Variants in SLC4A8 observed in about 807,000 individuals in gnomAD.
The protein encoded by SLC4A8 is electroneutral sodium bicarbonate exchanger 1.
A neutral mutation model predicts 125.0 loss-of-function variants in SLC4A8; 40 were observed. The observed-to-expected ratio is 0.32, with a 90% CI of 0.25 to 0.42. The LOEUF (loss-of-function observed/expected upper bound fraction) is 0.42, where lower values mean the gene tolerates loss of function less well. Among genes scored for constraint, SLC4A8 ranks in the 10% least tolerant of loss-of-function variants. The pLI, the probability that SLC4A8 is intolerant of heterozygous loss-of-function variation, is 1.00. For missense variants in SLC4A8, 863 were observed against 1,355.1 expected, an observed-to-expected ratio of 0.64 and a Z score of 5.70; for synonymous variants, 456 against 476.0, an observed-to-expected ratio of 0.96 and a Z score of 0.55.
chr12:51,471,640 G>T (rs532512676), intron 14 of SLC4A8, 108 bp downstream of exon 14: 7 of 1,277,330 alleles, frequency 5.5e-6, no homozygotes, highest in African/African-American at 1.5e-5. Flanking sequence ...GAAGTGTCTT[G>T]CCCTTTAGGA....
intron 2 of SLC4A8, among the ~76,000 whole-genome samples, chr12:51,447,233 C>T (rs1308728307): frequency 6.6e-6 from 1 of 152,260 alleles, no homozygotes; most frequent in African/African-American, 2.4e-5. Flanking sequence ...TAGGTGCACA[C>T]CACCACACCT....
At chr12:51,435,589 G>A (rs113472757) in intron 1 of SLC4A8, among the ~76,000 whole-genome samples, 2,039 of 152,022 alleles carry the variant, frequency 0.013, 27 homozygotes, top group South Asian at 0.051. Context: ...GAGACCGCCC[G>A]CCCCAACTCC....
intron 17 of SLC4A8, among the ~76,000 whole-genome samples, chr12:51,488,349 A>G (rs1427215870): frequency 6.6e-6 from 1 of 152,188 alleles, no homozygotes; most frequent in Non-Finnish European, 1.5e-5. Context: ...GGTTATTGGT[A>G]GAAGGAAAGG....
intron 22 of SLC4A8, chr12:51,497,426 A>G (rs1951492187): frequency 4.0e-6 from 1 of 249,822 alleles, no homozygotes; most frequent in African/African-American, 2.3e-5. Context: ...ACATTCTTTC[A>G]AAAGGTCTAA....
rs1046768948 is a variant in SLC4A8, at chr12:51,514,082, G to T, written c.*6644G>T. ...CCCCAGAGCCCCTGGCTTTTTCAAC[G>T]AGCATCAGAAATGCTATCAATATAT... On this transcript the variant is annotated 3_prime_UTR_variant, in exon 25 of 25. Coordinates refer to ENST00000453097, the MANE Select transcript of SLC4A8 (RefSeq NM_001039960.3). 6.6e-6 allele frequency: 1 copy of T among 152,476 alleles called. No homozygotes were observed. Among genetic ancestry groups the T allele is most frequent in the African/African-American group, 2.4e-5 (1 of 41,438 alleles). 9.4% of individuals were successfully genotyped at this position (152,476 alleles called of 1,614,324 possible). A position where few individuals can be genotyped will look rare whatever the true frequency, so the allele number is the denominator to read the frequency against.
chr12:51,396,198 A>G (rs1948257495), intron 1 of SLC4A8, among the ~76,000 whole-genome samples: 1 of 152,240 alleles, frequency 6.6e-6, no homozygotes. Flanking sequence ...CCATTATAAT[A>G]TTAGCTGTTT....
At chr12:51,504,793 C>T (rs572416162) in intron 23 of SLC4A8, among the ~76,000 whole-genome samples, 3 of 152,162 alleles carry the variant, frequency 2.0e-5, no homozygotes, top group Admixed American at 1.3e-4. Flanking sequence ...TGATTTTAGC[C>T]CCTTTCTCTA....
chr12:51,426,883 A>G (rs1949000697), intron 1 of SLC4A8, among the ~76,000 whole-genome samples: 1 of 151,212 alleles, frequency 6.6e-6, no homozygotes, highest in South Asian at 2.1e-4. Context: ...CGGGAGAGAG[A>G]GAGAGGGCAT....
chr12:51,486,485 G>A (rs4761973), intron 17 of SLC4A8, among the ~76,000 whole-genome samples: 74,799 of 152,010 alleles, frequency 0.49, 18,625 homozygotes, highest in Non-Finnish European at 0.53. Context: ...CTAATATATG[G>A]TATTTTTCAA....
intron 16 of SLC4A8, among the ~76,000 whole-genome samples, chr12:51,484,398 A>G (rs1389074879): frequency 6.6e-6 from 1 of 152,200 alleles, no homozygotes; most frequent in Non-Finnish European, 1.5e-5. Flanking sequence ...GCTATATGCA[A>G]AGTAGTAAAC....
upstream of SLC4A8, among the ~76,000 whole-genome samples, chr12:51,423,804 C>T (rs575704226): frequency 2.0e-5 from 3 of 152,018 alleles, no homozygotes; most frequent in Admixed American, 6.6e-5. Flanking sequence ...GTGGCTGAGG[C>T]GGGCAGATCA....
chr12:51,397,375 A>G (rs1948284423), intron 1 of SLC4A8, among the ~76,000 whole-genome samples: 1 of 152,232 alleles, frequency 6.6e-6, no homozygotes, highest in Non-Finnish European at 1.5e-5. Flanking sequence ...TAAAGCCAGG[A>G]GCTTGTATTT....
chr12:51,397,968 G>A (rs1351043579), intron 1 of SLC4A8, among the ~76,000 whole-genome samples: 1 of 152,068 alleles, frequency 6.6e-6, no homozygotes, highest in Non-Finnish European at 1.5e-5. Context: ...CTCGGGAGGA[G>A]GCTGAGGTGA....
At chr12:51,421,737 T>C (rs1355371374), upstream of SLC4A8, among the ~76,000 whole-genome samples, 1 of 152,116 alleles carries the variant, frequency 6.6e-6, no homozygotes, top group African/African-American at 2.4e-5. Flanking sequence ...CCCCCTCTAA[T>C]CCATTCTCCC....
chr12:51,411,116 AT>A (rs911021230), intron 1 of SLC4A8, among the ~76,000 whole-genome samples: 9 of 147,772 alleles, frequency 6.1e-5, no homozygotes, highest in South Asian at 4.2e-4. Context: ...GAGTTGAGCA[AT>A]TTTTTTTTAT....
At chr12:51,494,152 A>G (rs926967745) in intron 20 of SLC4A8, among the ~76,000 whole-genome samples, 3 of 152,214 alleles carry the variant, frequency 2.0e-5, no homozygotes, top group Admixed American at 6.5e-5. Flanking sequence ...GTGCCAGGCT[A>G]AAGTATAAAA....
At chr12:51,478,464 G>T (rs897525735) in intron 16 of SLC4A8, among the ~76,000 whole-genome samples, 1 of 151,960 alleles carries the variant, frequency 6.6e-6, no homozygotes, top group African/African-American at 2.4e-5. Flanking sequence ...CAGACGCAAA[G>T]AAACTTTATA....
At chr12:51,500,876 C>G (rs890893549) in intron 22 of SLC4A8, among the ~76,000 whole-genome samples, 1 of 141,714 alleles carries the variant, frequency 7.1e-6, no homozygotes, top group Non-Finnish European at 1.5e-5. Flanking sequence ...TTCTTTCTTT[C>G]TTTATTTTTA....
At position 51,514,463 on chromosome 12, in the gene SLC4A8, T is replaced by C. The variant is rs1417488668; in HGVS notation, c.*7025T>C. ...CTTTTCCTCAGTCTGTCAAGTTCTT[T>C]GGAGGAAAGAAGTTCTTGGTCAGAG... On this transcript the variant is annotated 3_prime_UTR_variant, in exon 25 of 25. Transcript: ENST00000453097. 1.3e-5 allele frequency: 2 copies of C among 152,416 alleles called. No individual in the cohort carries two copies. Among genetic ancestry groups the C allele is most frequent in the Non-Finnish European group, 2.9e-5 (2 of 68,060 alleles). The allele number at this position is 152,416 out of a possible 1,614,324, so 9.4% of individuals were successfully genotyped here.
Sources: gnomAD v4.1 joint callset for allele counts (sites outside exome capture counted in the v4.1 genomes callset) on GRCh38, gnomAD v4.1.1 for gene constraint, MANE v1.5 for transcripts, NCBI Gene and HGNC (gene_info 2026-07-23, HGNC 2026-07-21) for gene names.